PKHD1: variants seen among roughly 807,000 people sequenced by gnomAD.
PKHD1 encodes PKHD1 ciliary IPT domain containing fibrocystin/polyductin, also known as fibrocystin.
PKHD1 carries 291 observed loss-of-function variants against 412.0 expected under a neutral mutation model. That is an observed-to-expected ratio of 0.71 (90% confidence interval 0.64 to 0.78). The LOEUF (loss-of-function observed/expected upper bound fraction) is 0.78, where lower values mean the gene tolerates loss of function less well. PKHD1 is among the 30% of genes least tolerant of loss of function. PKHD1 has a pLI of 0.00. For synonymous variants in PKHD1, 1,777 were observed against 1,821.5 expected (o/e 0.98, Z 0.62); for missense variants, 4,825 against 4,950.7 (o/e 0.97, Z 0.76).
At chr6:51,772,579 A>G in intron 55 of PKHD1, 123 bp downstream of exon 55, 1 of 562,016 alleles carries the variant, frequency 1.8e-6, no homozygotes, top group Non-Finnish European at 3.2e-6. Context: ...TTATTTTTCT[A>G]CTTGCTCATC....
chr6:51,819,190 C>T (rs150576801), intron 52 of PKHD1, among the ~76,000 whole-genome samples: 245 of 152,200 alleles, frequency 1.6e-3, no homozygotes, highest in African/African-American at 5.3e-3. Flanking sequence ...AAGTGTTACA[C>T]GATCAAACAT....
chr6:51,906,475 C>T (rs1782113904), intron 40 of PKHD1, 135 bp from the exon 41 acceptor site: 1 of 716,384 alleles, frequency 1.4e-6, no homozygotes, highest in Admixed American at 2.1e-5. Context: ...AAGTTAGAAG[C>T]AGCAATCGAA....
Position 52,055,588 on chromosome 6 carries a change from T to C in PKHD1, c.1835A>G (p.His612Arg), listed in dbSNP as rs369932370. ...QKGYRLDQYT[H>R]LCLAYKGHMN... The stretch of plus-strand genomic sequence containing the variant: ...AGAAGCACAAAGACTGCTACTCACG[T>C]GTGTATACTGATCTAGCCGATAGCC... The change falls in exon 19 of 67, where the codon CAC becomes CGC. Residue 612 changes from histidine to arginine, a missense_variant and splice_region_variant. By Grantham distance (29) the His-to-Arg change is conservative. Coordinates refer to ENST00000371117, the MANE Select transcript of PKHD1 (RefSeq NM_138694.4). 2.4e-4 allele frequency: 391 copies of C among 1,613,828 alleles called. No homozygotes were observed. The highest frequency in any genetic ancestry group is 3.2e-4 in the Non-Finnish European group (380 of 1,179,902).
At chr6:52,040,016 T>A (rs1218742698) in intron 27 of PKHD1, among the ~76,000 whole-genome samples, 3 of 152,174 alleles carry the variant, frequency 2.0e-5, no homozygotes, top group African/African-American at 7.2e-5. Context: ...AGGTCACATG[T>A]TGCATTATTT....
chr6:52,080,158 C>T lies in PKHD1; in HGVS notation c.282-150G>A, dbSNP rs150937703. ...AGTCACCTTTCACCTCTTTGATCCA[C>T]TCATAATTATTAGACTTTAAGAACT... is the stretch of plus-strand genomic sequence containing the variant. On this transcript the variant is annotated intron_variant, in intron 4 of 66. Transcript: ENST00000371117. 7.0e-3 allele frequency: 4,673 copies of T among 665,298 alleles called. 179 individuals are homozygous for T. The highest frequency in any genetic ancestry group is 0.018 in the East Asian group (639 of 36,488). The allele number at this position is 665,298 out of a possible 1,614,324, so 41.2% of individuals were successfully genotyped here. A position where few individuals can be genotyped will look rare whatever the true frequency, so the allele number is the denominator to read the frequency against.
chr6:51,628,278 T>C (rs920274016), intron 65 of PKHD1, among the ~76,000 whole-genome samples: 1 of 152,098 alleles, frequency 6.6e-6, no homozygotes, highest in Non-Finnish European at 1.5e-5. Flanking sequence ...TCTCTTTGTG[T>C]CCATGTGAAC....
At chr6:51,800,383 C>T (rs952614240) in intron 52 of PKHD1, among the ~76,000 whole-genome samples, 2 of 151,898 alleles carry the variant, frequency 1.3e-5, no homozygotes, top group African/African-American at 4.8e-5. Flanking sequence ...CCAAATGCAA[C>T]AACAACAACA....
At chr6:52,057,382 T>C (rs1807918169) in intron 16 of PKHD1, among the ~76,000 whole-genome samples, 1 of 151,932 alleles carries the variant, frequency 6.6e-6, no homozygotes. Context: ...ACATTCCCTG[T>C]AGGGCACATT....
intron 37 of PKHD1, among the ~76,000 whole-genome samples, chr6:51,926,571 A>T (rs1785660657): frequency 6.6e-6 from 1 of 152,182 alleles, no homozygotes; most frequent in African/African-American, 2.4e-5. Context: ...ACTCATTTCT[A>T]ATTAGCAGTA....
At chr6:51,903,783 C>T in intron 42 of PKHD1, 56 bp from the exon 43 acceptor site, 2 of 1,424,056 alleles carry the variant, frequency 1.4e-6, no homozygotes, top group Admixed American at 1.7e-5. Context: ...GTACTCAACT[C>T]AACACCCTTG....
intron 60 of PKHD1, among the ~76,000 whole-genome samples, chr6:51,729,019 C>T (rs149756286): frequency 6.6e-6 from 1 of 152,306 alleles, no homozygotes; most frequent in African/African-American, 2.4e-5. Context: ...AACAGAAAGA[C>T]AGTATATAGC....
Position 51,617,017 on chromosome 6 carries a change from C to A in PKHD1, c.*2064G>T, listed in dbSNP as rs141074474. The A allele has an allele frequency of 3.3e-3, 811 of 244,772 alleles. 6 individuals carry two copies. Among genetic ancestry groups the A allele is most frequent in the African/African-American group, 0.017 (756 of 44,998 alleles). 15.2% of individuals were successfully genotyped at this position (244,772 alleles called of 1,614,324 possible). On this transcript the variant is annotated 3_prime_UTR_variant, in exon 67 of 67. Transcript: ENST00000371117. ...AACTTCATAGTAACTATAGGATAACCTACTGGATATTCTCACTAGGCAGCT... is the reference window on the plus strand; with the variant it reads ...AACTTCATAGTAACTATAGGATAACATACTGGATATTCTCACTAGGCAGCT...
chr6:52,068,962 C>T (rs1412895048), intron 11 of PKHD1, among the ~76,000 whole-genome samples: 1 of 152,166 alleles, frequency 6.6e-6, no homozygotes, highest in Non-Finnish European at 1.5e-5. Context: ...TCTTTAGTAG[C>T]CAGCTTTCTA....
intron 49 of PKHD1, among the ~76,000 whole-genome samples, chr6:51,854,036 C>T (rs1354096172): frequency 6.6e-6 from 1 of 152,054 alleles, no homozygotes; most frequent in Non-Finnish European, 1.5e-5. Context: ...CTCGTTGATT[C>T]TTTTTCATCC....
chr6:51,858,428 A>T (rs903062172), intron 48 of PKHD1, among the ~76,000 whole-genome samples: 4 of 152,158 alleles, frequency 2.6e-5, no homozygotes, highest in African/African-American at 9.7e-5. Context: ...GTGTAAAACA[A>T]ACATGATAAG....
intron 49 of PKHD1, among the ~76,000 whole-genome samples, chr6:51,853,303 TA>T (rs1198275338): frequency 6.6e-6 from 1 of 152,222 alleles, no homozygotes; most frequent in Non-Finnish European, 1.5e-5. Context: ...CTTCCCTTTG[TA>T]GGTGACCTGG....
chr6:52,016,438 C>A (rs1180291200), intron 34 of PKHD1, among the ~76,000 whole-genome samples: 1 of 151,890 alleles, frequency 6.6e-6, no homozygotes, highest in African/African-American at 2.4e-5. Context: ...GAGTTTGAGA[C>A]CAGCTTGGCC....
chr6:51,922,923 C>T lies in PKHD1; in HGVS notation c.6122-10347G>A, dbSNP rs138241402. On this transcript the variant is annotated intron_variant, in intron 37 of 66. Coordinates refer to ENST00000371117, the MANE Select transcript of PKHD1 (RefSeq NM_138694.4). ...GGTGAGGCAATGCCCCACCCTGCTTCGGCTCACACTCCATGGGCTGCATCC... is the reference window on the plus strand; with the variant it reads ...GGTGAGGCAATGCCCCACCCTGCTTTGGCTCACACTCCATGGGCTGCATCC... Among the ~76,000 whole-genome samples, 1,156 of 152,270 alleles carry T rather than the reference C, an allele frequency of 7.6e-3. 11 individuals carry two copies. Among genetic ancestry groups the T allele is most frequent in the African/African-American group, 0.024 (992 of 41,548 alleles).
At chr6:52,040,432 G>A (rs1411074712) in intron 27 of PKHD1, among the ~76,000 whole-genome samples, 1 of 152,024 alleles carries the variant, frequency 6.6e-6, no homozygotes, top group Non-Finnish European at 1.5e-5. Flanking sequence ...CCTCCCTACT[G>A]TGAGTTCTCA....
Sources: allele counts gnomAD v4.1 joint callset (sites outside exome capture counted in the v4.1 genomes callset), GRCh38; gene constraint gnomAD v4.1.1; transcripts MANE v1.5; gene names NCBI Gene and HGNC (gene_info 2026-07-23, HGNC 2026-07-21).